The following MMP26 variants were observed in gnomAD, a reference collection of about 807,000 sequenced individuals.
MMP26 encodes the protein matrix metallopeptidase 26.
A neutral mutation model predicts 31.0 loss-of-function variants in MMP26; 33 were observed. That is an observed-to-expected ratio of 1.06 (90% CI 0.81 to 1.42). The LOEUF (loss-of-function observed/expected upper bound fraction) is 1.42, where lower values mean the gene tolerates loss of function less well. Ranked by LOEUF, MMP26 falls within the 40% of genes most tolerant of loss-of-function variation. The probability of loss-of-function intolerance (pLI) is 0.00; values close to 1 mark genes in which losing one functional copy is unlikely to be tolerated. For missense variants in MMP26, 347 were observed against 316.1 expected (o/e 1.10, Z -0.74); for synonymous variants, 122 against 114.9 (o/e 1.06, Z -0.40).
intron 2 of MMP26, chr11:4,769,513 AG>A (rs749891607): frequency 4.3e-6 from 7 of 1,613,744 alleles, no homozygotes; most frequent in South Asian, 3.3e-5. Context: ...TGAGAATGGT[AG>A]TGTACCTCAG....
At chr11:4,727,499 C>T (rs543135608) in intron 1 of MMP26, among the ~76,000 whole-genome samples, 1 of 152,118 alleles carries the variant, frequency 6.6e-6, no homozygotes, top group Admixed American at 6.5e-5. Context: ...GTACAAGGTA[C>T]ATGACAATCC....
intron 2 of MMP26, among the ~76,000 whole-genome samples, chr11:4,796,121 T>C (rs1315281301): frequency 5.3e-5 from 8 of 152,118 alleles, no homozygotes; most frequent in Admixed American, 5.2e-4. Context: ...ACAGCTGCAG[T>C]TCCCGGGAAA....
At chr11:4,876,142 C>A (rs1456846031) in intron 2 of MMP26, 1 of 152,078 alleles carries the variant, frequency 6.6e-6, no homozygotes, top group African/African-American at 2.4e-5. Context: ...TATGAACAGC[C>A]CTTATATTAG....
chr11:4,839,848 C>T (rs1849770839), intron 2 of MMP26, among the ~76,000 whole-genome samples: 1 of 151,828 alleles, frequency 6.6e-6, no homozygotes. Flanking sequence ...ACCAGCACAA[C>T]CACAGGGGTG....
intron 2 of MMP26, among the ~76,000 whole-genome samples, chr11:4,984,728 T>C (rs750529562): frequency 4.1e-4 from 63 of 152,198 alleles, no homozygotes; most frequent in Admixed American, 7.2e-4. Flanking sequence ...ATATAAATTG[T>C]GTATAGTTAT....
rs1276516939 is a variant in MMP26, at chr11:4,989,705, A to G, written c.157A>G (p.Thr53Ala). ...KKESPLLTQE[T>A]QTQLLQQFHR... Reference sequence around the variant, plus strand: ...GGAGTCGCCACTCCTTACCCAGGAGACACAAACACAGCTCCTGCAACAATT... The same window carrying G: ...GGAGTCGCCACTCCTTACCCAGGAGGCACAAACACAGCTCCTGCAACAATT... Residue 53 changes from threonine to alanine, a missense_variant, in exon 4 of 8, where the codon ACA (threonine) becomes GCA (alanine). Thr to Ala is a moderately conservative substitution (Grantham distance 58). Coordinates refer to ENST00000380390, the MANE Select transcript of MMP26 (RefSeq NM_021801.5). 1 of 1,613,728 alleles carries G rather than the reference A, an allele frequency of 6.2e-7. No homozygotes were observed. The highest frequency in any genetic ancestry group is 8.5e-7 in the Non-Finnish European group (1 of 1,180,024).
intron 1 of MMP26, chr11:4,722,924 C>T: frequency 1.3e-6 from 1 of 784,944 alleles, no homozygotes. Flanking sequence ...GCTTAGACCA[C>T]CTGCATAGAC....
intron 2 of MMP26, among the ~76,000 whole-genome samples, chr11:4,878,869 C>T (rs1466645256): frequency 6.6e-6 from 1 of 152,094 alleles, no homozygotes; most frequent in Non-Finnish European, 1.5e-5. Flanking sequence ...TTCCTTGATA[C>T]TCACTGGGAT....
intron 2 of MMP26, among the ~76,000 whole-genome samples, chr11:4,905,655 A>G (rs1437024099): frequency 2.0e-5 from 3 of 152,082 alleles, no homozygotes; most frequent in African/African-American, 7.2e-5. Flanking sequence ...ATTTTTAATT[A>G]AAATTATTAA....
intron 2 of MMP26, among the ~76,000 whole-genome samples, chr11:4,858,197 T>C (rs973094574): frequency 4.6e-5 from 7 of 152,098 alleles, no homozygotes; most frequent in African/African-American, 1.7e-4. Context: ...ACCACTCCTA[T>C]TCAACATAGT....
chr11:4,788,032 C>A (rs1848972507), intron 2 of MMP26, among the ~76,000 whole-genome samples: 1 of 152,146 alleles, frequency 6.6e-6, no homozygotes, highest in South Asian at 2.1e-4. Flanking sequence ...CATGCTCTTC[C>A]TGGATATCAT....
At chr11:4,820,558 C>CCT (rs1849481212) in intron 2 of MMP26, among the ~76,000 whole-genome samples, 1 of 151,832 alleles carries the variant, frequency 6.6e-6, no homozygotes, top group Non-Finnish European at 1.5e-5. Flanking sequence ...TCCTCCTCCT[C>CCT]CTCTTGCACT....
In MMP26 at chr11:4,904,174, A is replaced by G. The variant is rs181858883; in HGVS notation, c.-144-83894A>G. On this transcript the variant is annotated intron_variant, in intron 2 of 7. Transcript: ENST00000380390. The stretch of plus-strand genomic sequence containing the variant: ...ATTTACTGATTATCTTCATTGTGTT[A>G]GAGACTATCAGACAGCCTAACATAA... Among the ~76,000 whole-genome samples the G allele has an allele frequency of 6.6e-5, 10 of 152,238 alleles. No homozygotes were observed. The East Asian group carries it at 1.9e-3, about 29-fold the overall frequency.
rs142153985 is a variant in MMP26, at chr11:4,865,725, A to G, written c.-145+98384A>G. On this transcript the variant is annotated intron_variant, in intron 2 of 7. Coordinates refer to ENST00000380390, the MANE Select transcript of MMP26 (RefSeq NM_021801.5). ...AAACCAGCAGTTGTGCTGCCAGACA[A>G]TGCAGACTCGACTTCAAGTGGAAAG... 1.2e-3 allele frequency among the ~76,000 whole-genome samples: 179 copies of G among 152,218 alleles called. 1 individual carries two copies. The highest frequency in any genetic ancestry group is 4.0e-3 in the African/African-American group (168 of 41,556).
chr11:4,898,687 G>A (rs969021652), intron 2 of MMP26, among the ~76,000 whole-genome samples: 4 of 151,984 alleles, frequency 2.6e-5, no homozygotes, highest in Non-Finnish European at 5.9e-5. Flanking sequence ...GTGTCCATAG[G>A]TATGTTTTTT....
chr11:4,890,979 G>GAAGAATAATAAT (rs146108058), intron 2 of MMP26, among the ~76,000 whole-genome samples: 2 of 137,128 alleles, frequency 1.5e-5, no homozygotes, highest in Non-Finnish European at 3.1e-5. Flanking sequence ...AATGAACTCA[G>GAAGAATAATAAT]AATAATAATA....
chr11:4,880,578 G>T (rs1181464913), intron 2 of MMP26, among the ~76,000 whole-genome samples: 1 of 152,066 alleles, frequency 6.6e-6, no homozygotes, highest in Non-Finnish European at 1.5e-5. Context: ...GCTAAATGAA[G>T]ATTTCTGTTT....
intron 1 of MMP26, among the ~76,000 whole-genome samples, chr11:4,733,130 C>T (rs138377808): frequency 0.012 from 1,866 of 152,288 alleles, 13 homozygotes; most frequent in Admixed American, 0.018. Flanking sequence ...TATTTTGGCT[C>T]TTCTGGAACC....
chr11:4,780,898 T>C (rs554081003), intron 2 of MMP26, among the ~76,000 whole-genome samples: 1 of 151,854 alleles, frequency 6.6e-6, no homozygotes, highest in South Asian at 2.1e-4. Flanking sequence ...AATATGTATC[T>C]GTAGATATGT....
Sources: gnomAD v4.1 joint callset for allele counts (sites outside exome capture counted in the v4.1 genomes callset) on GRCh38, gnomAD v4.1.1 for gene constraint, MANE v1.5 for transcripts, NCBI Gene and HGNC (gene_info 2026-07-23, HGNC 2026-07-21) for gene names.